FRMD4A: variants seen among roughly 807,000 people sequenced by gnomAD.
The protein encoded by FRMD4A is FERM domain containing 4A, also known as FERM domain-containing protein 4A.
A neutral mutation model predicts 129.1 loss-of-function variants in FRMD4A; 29 were observed. That is an observed-to-expected ratio of 0.22 (90% confidence interval 0.17 to 0.31). The LOEUF is 0.31. FRMD4A is among the 10% of genes least tolerant of loss of function. The pLI, the probability that FRMD4A is intolerant of heterozygous loss-of-function variation, is 1.00. For synonymous variants in FRMD4A, 634 were observed against 571.6 expected (o/e 1.11, Z -1.56); for missense variants, 1,272 against 1,375.8 (o/e 0.92, Z 1.19).
At chr10:14,195,557 A>T (rs950913532) in intron 2 of FRMD4A, among the ~76,000 whole-genome samples, 41 of 152,198 alleles carry the variant, frequency 2.7e-4, no homozygotes, top group African/African-American at 9.2e-4. Flanking sequence ...CTCTCCTCGG[A>T]TAACAAATAA....
chr10:13,693,977 C>A lies in FRMD4A; in HGVS notation c.1038G>T (p.Thr346=). ...EIAIDLTETG[T]LKTSKLANMG... The stretch of plus-strand genomic sequence containing the variant: ...TGTTGGCCAGCTTCGAGGTCTTCAG[C>A]GTCCCCGTCTCGGTCAGGTCGATGG... The change falls in exon 15 of 25, where the codon ACG becomes ACT. Residue 346 remains threonine (T), a synonymous_variant. Coordinates refer to ENST00000357447, the MANE Select transcript of FRMD4A (RefSeq NM_018027.5). The A allele has an allele frequency of 1.3e-6, 2 of 1,566,160 alleles. No individual in the cohort carries two copies. The highest frequency in any genetic ancestry group is 1.2e-5 in the South Asian group (1 of 82,042).
intron 16 of FRMD4A, among the ~76,000 whole-genome samples, chr10:13,672,060 G>T (rs2083552878): frequency 6.6e-6 from 1 of 152,266 alleles, no homozygotes; most frequent in African/African-American, 2.4e-5. Context: ...GTGTGCACAT[G>T]TGTACGCATG....
chr10:14,184,477 C>T (rs1291311070), intron 2 of FRMD4A, among the ~76,000 whole-genome samples: 1 of 130,832 alleles, frequency 7.6e-6, no homozygotes, highest in Non-Finnish European at 1.6e-5. Flanking sequence ...AGCCAACTTT[C>T]TATTCTATTA....
chr10:13,792,996 A>G (rs2093036405), intron 5 of FRMD4A, among the ~76,000 whole-genome samples: 1 of 152,204 alleles, frequency 6.6e-6, no homozygotes, highest in African/African-American at 2.4e-5. Flanking sequence ...AATCTGTTGA[A>G]TGGAGGTGAT....
At chr10:13,951,291 T>A (rs1487575776) in intron 2 of FRMD4A, among the ~76,000 whole-genome samples, 1 of 151,344 alleles carries the variant, frequency 6.6e-6, no homozygotes, top group Non-Finnish European at 1.5e-5. Context: ...CCAGGAAGAG[T>A]GAGTTGCACC....
intron 2 of FRMD4A, chr10:13,890,758 T>C (rs1564984154): frequency 4.1e-6 from 4 of 985,186 alleles, no homozygotes; most frequent in Non-Finnish European, 4.8e-6. Context: ...TTTGCGGGCA[T>C]TGGTTCTCGT....
intron 3 of FRMD4A, among the ~76,000 whole-genome samples, chr10:13,811,622 T>C (rs72771037): frequency 0.17 from 26,295 of 151,252 alleles, 2,608 homozygotes; most frequent in Non-Finnish European, 0.23. Flanking sequence ...ACCAGAGCGT[T>C]AGGCATAAAG....
chr10:14,256,705 G>A lies in FRMD4A; in HGVS notation c.45+73353C>T, dbSNP rs74125605. Among the ~76,000 whole-genome samples, 1,115 of 152,280 alleles carry A rather than the reference G, an allele frequency of 7.3e-3. 19 individuals are homozygous for A. Among genetic ancestry groups the A allele is most frequent in the African/African-American group, 0.026 (1,073 of 41,538 alleles). On this transcript the variant is annotated intron_variant, in intron 2 of 24. Transcript: ENST00000357447. Reference sequence around the variant, plus strand: ...ATTTTTGTTAAAGTATATGTGGGCTGGGTGCAGTGGATCATGCCTATAATC... The same window carrying A: ...ATTTTTGTTAAAGTATATGTGGGCTAGGTGCAGTGGATCATGCCTATAATC...
chr10:13,745,656 G>A (rs2091251900), intron 9 of FRMD4A, among the ~76,000 whole-genome samples: 1 of 152,196 alleles, frequency 6.6e-6, no homozygotes, highest in Non-Finnish European at 1.5e-5. Flanking sequence ...ACAGGGAGGA[G>A]AGAAGAAATT....
At chr10:14,046,525 G>A (rs1384704545) in intron 2 of FRMD4A, among the ~76,000 whole-genome samples, 1 of 152,114 alleles carries the variant, frequency 6.6e-6, no homozygotes, top group African/African-American at 2.4e-5. Flanking sequence ...CTAATTTGAT[G>A]ACATTTTAAG....
intron 2 of FRMD4A, among the ~76,000 whole-genome samples, chr10:14,272,644 G>T (rs1400471019): frequency 6.6e-6 from 1 of 152,140 alleles, no homozygotes; most frequent in Non-Finnish European, 1.5e-5. Context: ...GGTTCTGCAG[G>T]CTGTACAGGA....
intron 2 of FRMD4A, among the ~76,000 whole-genome samples, chr10:14,196,977 A>C (rs1197156783): frequency 6.6e-6 from 1 of 152,212 alleles, no homozygotes; most frequent in African/African-American, 2.4e-5. Context: ...GCCAGTCTCC[A>C]TGAATTGGAA....
chr10:14,088,292 C>T (rs1285490940), intron 2 of FRMD4A, among the ~76,000 whole-genome samples: 1 of 151,828 alleles, frequency 6.6e-6, no homozygotes, highest in South Asian at 2.1e-4. Flanking sequence ...ATTTAAAAAA[C>T]GACATTTAGC....
chr10:13,937,085 G>C (rs1182546397), intron 2 of FRMD4A, among the ~76,000 whole-genome samples: 1 of 152,214 alleles, frequency 6.6e-6, no homozygotes, highest in East Asian at 1.9e-4. Flanking sequence ...GACAGCAAAG[G>C]GAGGGTTGCA....
chr10:14,220,254 C>T (rs1386183812), intron 2 of FRMD4A, among the ~76,000 whole-genome samples: 1 of 152,254 alleles, frequency 6.6e-6, no homozygotes, highest in Non-Finnish European at 1.5e-5. Flanking sequence ...GTCACCTCCA[C>T]CAAGTCAAGC....
intron 2 of FRMD4A, among the ~76,000 whole-genome samples, chr10:14,158,453 A>G (rs114074310): frequency 0.011 from 1,621 of 152,222 alleles, 23 homozygotes; most frequent in African/African-American, 0.037. Context: ...TCTACAAAAA[A>G]TAATTAAAAA....
intron 15 of FRMD4A, among the ~76,000 whole-genome samples, chr10:13,686,486 G>A (rs183229620): frequency 2.0e-5 from 3 of 152,338 alleles, no homozygotes; most frequent in East Asian, 3.9e-4. Flanking sequence ...AGCATTCAGA[G>A]AATGGGAGTG....
chr10:14,139,587 C>T (rs1217584059), intron 2 of FRMD4A, among the ~76,000 whole-genome samples: 2 of 151,776 alleles, frequency 1.3e-5, no homozygotes, highest in African/African-American at 4.8e-5. Flanking sequence ...GTAGCTGGGA[C>T]CACAAGTGCA....
intron 2 of FRMD4A, among the ~76,000 whole-genome samples, chr10:14,028,596 C>A (rs1219445318): frequency 2.6e-5 from 4 of 151,992 alleles, no homozygotes; most frequent in Non-Finnish European, 4.4e-5. Context: ...AAATTTAATT[C>A]ATAAGGAAAG....
Sources: allele counts gnomAD v4.1 joint callset (sites outside exome capture counted in the v4.1 genomes callset), GRCh38; gene constraint gnomAD v4.1.1; transcripts MANE v1.5; gene names NCBI Gene and HGNC (gene_info 2026-07-23, HGNC 2026-07-21).